The following TMEM234 variants were observed in gnomAD, a reference collection of about 807,000 sequenced individuals.
TMEM234 encodes the protein chromosome 1 open reading frame 91.
A neutral mutation model predicts 17.8 loss-of-function variants in TMEM234; 21 were observed. The ratio of observed to expected loss-of-function variants is 1.18; its 90% CI spans 0.84 to 1.70. TMEM234 has a LOEUF of 1.70. TMEM234 is among the 40% of genes most tolerant of loss of function. TMEM234 has a pLI of 0.00. For synonymous variants in TMEM234, 83 were observed against 73.5 expected (o/e 1.13, Z -0.66); for missense variants, 137 against 166.9 (o/e 0.82, Z 0.99).
chr1:32,216,854 C>G lies in TMEM234; in HGVS notation c.422G>C (p.Ter141SerextTer18). Residue 141 changes from the stop codon to serine (S), a stop_lost, in exon 5 of 5, where the codon TGA becomes TCA. Coordinates refer to ENST00000309777, the MANE Select transcript of TMEM234 (RefSeq NM_019118.5). ...GAGCTGGAAGTGGGTTCGGCCCACT[C>G]AAAGGGTAGACTGTTGCCCCTGGGT... is the stretch of plus-strand genomic sequence containing the variant. ...SKTQGQQSTL[*>S] 3 of 1,614,134 alleles carry G rather than the reference C, an allele frequency of 1.9e-6. No individual in the cohort carries two copies. The highest frequency in any genetic ancestry group is 1.7e-6 in the Non-Finnish European group (2 of 1,180,028).
chr1:32,215,035 G>C, downstream of TMEM234: 3 of 1,389,810 alleles, frequency 2.2e-6, no homozygotes, highest in East Asian at 5.1e-5. Flanking sequence ...AGAATGCTCA[G>C]ACACAAAGCC....
At chr1:32,217,590 T>C in intron 3 of TMEM234, 1 of 853,410 alleles carries the variant, frequency 1.2e-6, no homozygotes, top group East Asian at 2.8e-5. Context: ...GGTTTGATAA[T>C]GAGAATGAGG....
chr1:32,221,714 T>C (rs948877866), intron 2 of TMEM234, among the ~76,000 whole-genome samples, 153 bp downstream of exon 2: 1 of 152,092 alleles, frequency 6.6e-6, no homozygotes, highest in South Asian at 2.1e-4. Context: ...ATAATCGCCA[T>C]TTACAGATGA....
chr1:32,221,038 G>A (rs1057380250), intron 3 of TMEM234, 93 bp downstream of exon 3: 1 of 968,660 alleles, frequency 1.0e-6, no homozygotes. Flanking sequence ...TCACTGATGG[G>A]AATGAGGTGT....
At position 32,217,371 on chromosome 1, in the gene TMEM234, A is replaced by G. The variant is rs781039409; in HGVS notation, c.236-20T>C. 2 of 1,597,286 alleles carry G rather than the reference A, an allele frequency of 1.3e-6. No homozygotes were observed. The highest frequency in any genetic ancestry group is 1.7e-5 in the Admixed American group (1 of 59,146). On this transcript the variant is annotated intron_variant, in intron 3 of 4. Coordinates refer to ENST00000309777, the MANE Select transcript of TMEM234 (RefSeq NM_019118.5). Reference sequence around the variant, plus strand: ...TCAGATCTGGGTGGTCAGAATGAAAAGAATGCCTGAGATGCAACAAATGCC... The same window carrying G: ...TCAGATCTGGGTGGTCAGAATGAAAGGAATGCCTGAGATGCAACAAATGCC...
downstream of TMEM234, chr1:32,215,131 C>T: frequency 1.4e-6 from 1 of 721,788 alleles, no homozygotes; most frequent in Non-Finnish European, 2.2e-6. Context: ...AAAGCTGGTA[C>T]TGACCTCATC....
intron 2 of TMEM234, among the ~76,000 whole-genome samples, chr1:32,221,648 A>C (rs1638919319): frequency 6.6e-6 from 1 of 152,226 alleles, no homozygotes; most frequent in East Asian, 1.9e-4. Flanking sequence ...CCTAATGCTA[A>C]GTGCTCTACG....
At chr1:32,215,024 C>T (rs779410420), downstream of TMEM234, 3 of 1,439,146 alleles carry the variant, frequency 2.1e-6, no homozygotes, top group South Asian at 1.4e-5. Context: ...TCCATGGGAG[C>T]AGAATGCTCA....
chr1:32,215,277 G>A, downstream of TMEM234: 3 of 643,066 alleles, frequency 4.7e-6, no homozygotes, highest in South Asian at 4.1e-5. Context: ...GGGGATGGGG[G>A]TGGGACCAAA....
downstream of TMEM234, chr1:32,215,768 G>A (rs552147569): frequency 6.7e-6 from 10 of 1,486,010 alleles, no homozygotes; most frequent in African/African-American, 5.6e-5. Flanking sequence ...CCATACTCAC[G>A]GCTCCATTCT....
chr1:32,216,059 C>T, downstream of TMEM234: 4 of 723,056 alleles, frequency 5.5e-6, no homozygotes, highest in Middle Eastern at 1.1e-3. Flanking sequence ...AAACCCACAG[C>T]CCAGCCTTCC....
downstream of TMEM234, chr1:32,215,049 AC>A: frequency 7.4e-7 from 1 of 1,351,656 alleles, no homozygotes; most frequent in African/African-American, 1.6e-5. Flanking sequence ...CAAAGCCGGC[AC>A]TGGAAAAAAA....
Position 32,222,022 on chromosome 1 carries a change from A to G in TMEM234, c.17-4T>C. ...AGCACCAGAGCCAACACCTGCCCTG[A>G]ATGCAGACGAGTGAGTCACCCTGAC... On this transcript the variant is annotated splice_polypyrimidine_tract_variant and splice_region_variant and intron_variant, in intron 1 of 4. Coordinates refer to ENST00000309777, the MANE Select transcript of TMEM234 (RefSeq NM_019118.5). The G allele has an allele frequency of 6.2e-7, 1 of 1,608,160 alleles. No homozygotes were observed. The highest frequency in any genetic ancestry group is 8.5e-7 in the Non-Finnish European group (1 of 1,177,782).
chr1:32,222,203 C>G (rs1638990004), intron 1 of TMEM234, 104 bp downstream of exon 1: 1 of 1,507,292 alleles, frequency 6.6e-7, no homozygotes, highest in African/African-American at 1.4e-5. Context: ...AGTCCGGCCT[C>G]TGGGGTTGTA....
intron 2 of TMEM234, 112 bp from the exon 3 acceptor site, chr1:32,221,309 C>T: frequency 1.3e-6 from 1 of 790,426 alleles, no homozygotes; most frequent in South Asian, 1.5e-5. Context: ...TATAAGGACC[C>T]AGAGAACACT....
At chr1:32,215,923 G>C (rs759445657), downstream of TMEM234, 365 of 1,527,234 alleles carry the variant, frequency 2.4e-4, no homozygotes, top group Non-Finnish European at 3.2e-4. Flanking sequence ...GAGGGCAACT[G>C]GGGACCACTA....
At chr1:32,214,538 G>C (rs1056156259), downstream of TMEM234, 3 of 493,300 alleles carry the variant, frequency 6.1e-6, no homozygotes, top group African/African-American at 5.8e-5. Flanking sequence ...GTGAGCATGG[G>C]GCATGGTGGT....
At position 32,216,266 on chromosome 1, in the gene TMEM234, G is replaced by A; in HGVS notation, c.*587C>T. 6.9e-7 allele frequency: 1 copy of A among 1,451,414 alleles called. No homozygotes were observed. The highest frequency in any genetic ancestry group is 2.3e-5 in the Admixed American group (1 of 44,392). The allele number at this position is 1,451,414 out of a possible 1,614,324, so 89.9% of individuals were successfully genotyped here. ...TGTGCTGGAGTCAGGTGGGGCTGGG[G>A]CTCACAGCTCTCTACCTGTTTAAGA... On this transcript the variant is annotated 3_prime_UTR_variant, in exon 5 of 5. Coordinates refer to ENST00000309777, the MANE Select transcript of TMEM234 (RefSeq NM_019118.5).
downstream of TMEM234, chr1:32,214,555 G>A (rs750517420): frequency 5.7e-6 from 3 of 523,582 alleles, no homozygotes; most frequent in Non-Finnish European, 1.0e-5. Context: ...TGGTGGGGGT[G>A]GGGAAGCACA....
Sources: allele counts gnomAD v4.1 joint callset (sites outside exome capture counted in the v4.1 genomes callset), GRCh38; gene constraint gnomAD v4.1.1; transcripts MANE v1.5; gene names NCBI Gene and HGNC (gene_info 2026-07-23, HGNC 2026-07-21).